OCA2: variants seen among roughly 807,000 people sequenced by gnomAD.
The protein encoded by OCA2 is P protein.
Under a neutral mutation model 100.2 loss-of-function variants are expected in OCA2, and 77 were observed. The ratio of observed to expected loss-of-function variants is 0.77; its 90% CI spans 0.64 to 0.93. OCA2 has a LOEUF of 0.93. OCA2 is among the 40% of genes least tolerant of loss of function. OCA2 has a pLI of 0.00. For missense variants in OCA2, 1,062 were observed against 1,089.1 expected (o/e 0.98, Z 0.35); for synonymous variants, 432 against 439.2 (o/e 0.98, Z 0.21).
intron 9 of OCA2, among the ~76,000 whole-genome samples, chr15:28,008,637 G>A (rs2141178042): frequency 6.6e-6 from 1 of 152,356 alleles, no homozygotes; most frequent in Middle Eastern, 3.4e-3. Flanking sequence ...TACTCTCATG[G>A]CAAAACTACT....
At position 27,934,195 on chromosome 15, in the gene OCA2, C is replaced by T. The variant is rs529420989; in HGVS notation, c.1952-7941G>A. ...AAAAGGAAGATGGGGTTGGGAAGGACATTGTCATTTAGCATGTGAAGGGCA... is the reference window on the plus strand; with the variant it reads ...AAAAGGAAGATGGGGTTGGGAAGGATATTGTCATTTAGCATGTGAAGGGCA... On this transcript the variant is annotated intron_variant, in intron 18 of 23. Transcript: ENST00000354638. Among the ~76,000 whole-genome samples the T allele has an allele frequency of 8.5e-5, 13 of 152,060 alleles. No homozygotes were observed. The South Asian group carries it at 2.1e-3, about 24-fold the overall frequency.
intron 23 of OCA2, among the ~76,000 whole-genome samples, chr15:27,790,512 T>C (rs55798941): frequency 0.14 from 20,515 of 151,900 alleles, 2,247 homozygotes; most frequent in East Asian, 0.58. Flanking sequence ...ATCCAAAACA[T>C]TATGGTAGGT....
intron 15 of OCA2, among the ~76,000 whole-genome samples, chr15:27,964,375 T>C (rs2040497711): frequency 6.6e-6 from 1 of 152,234 alleles, no homozygotes; most frequent in Non-Finnish European, 1.5e-5. Flanking sequence ...AGGGATAGGC[T>C]CTGGTGATTA....
the OCA2 span, among the ~76,000 whole-genome samples, chr15:27,747,883 T>A: frequency 6.6e-6 from 1 of 152,128 alleles, no homozygotes; most frequent in Non-Finnish European, 1.5e-5. Context: ...CAATTATGCA[T>A]CTTGGTAACT....
chr15:28,016,856 T>G lies in OCA2; in HGVS notation c.808-670A>C, dbSNP rs2042410663. Reference sequence around the variant, plus strand: ...ACAAGTTACTAGAGACTTGGAGAACTCTTCTGAGTGCTCTGAGTCCTGAGA... The same window carrying G: ...ACAAGTTACTAGAGACTTGGAGAACGCTTCTGAGTGCTCTGAGTCCTGAGA... On this transcript the variant is annotated intron_variant, in intron 7 of 23. Coordinates refer to ENST00000354638, the MANE Select transcript of OCA2 (RefSeq NM_000275.3). 2.6e-5 allele frequency among the ~76,000 whole-genome samples: 4 copies of G among 152,292 alleles called. No homozygotes were observed. In the South Asian group the frequency reaches 6.2e-4, roughly 24 times the overall value.
At chr15:27,928,712 T>A (rs2039136727) in intron 18 of OCA2, among the ~76,000 whole-genome samples, 1 of 152,188 alleles carries the variant, frequency 6.6e-6, no homozygotes, top group African/African-American at 2.4e-5. Context: ...ATGCCTCCAT[T>A]CCTCCATCTT....
intron 23 of OCA2, among the ~76,000 whole-genome samples, chr15:27,812,518 A>G (rs1407862403): frequency 6.6e-6 from 1 of 152,218 alleles, no homozygotes; most frequent in African/African-American, 2.4e-5. Flanking sequence ...TTTAAAAAAT[A>G]TATCTTTCAT....
At chr15:27,884,586 A>G (rs1280600596) in intron 19 of OCA2, among the ~76,000 whole-genome samples, 6 of 152,204 alleles carry the variant, frequency 3.9e-5, no homozygotes, top group Middle Eastern at 3.2e-3. Flanking sequence ...CGTTCTAAAA[A>G]TAAACTTCTT....
In OCA2 at chr15:28,028,922, G is replaced by A. The variant is rs138759812; in HGVS notation, c.327-863C>T. Among the ~76,000 whole-genome samples, 914 of 152,260 alleles carry A rather than the reference G, an allele frequency of 6.0e-3. 9 individuals carry two copies. The highest frequency in any genetic ancestry group is 0.021 in the African/African-American group (859 of 41,536). On this transcript the variant is annotated intron_variant, in intron 3 of 23. Transcript: ENST00000354638. Reference sequence around the variant, plus strand: ...GCTAGTCTCGAACTCCTGACTTCAAGTGATCTGACTACCTTGGCCTCCCAA... The same window carrying A: ...GCTAGTCTCGAACTCCTGACTTCAAATGATCTGACTACCTTGGCCTCCCAA...
chr15:28,003,392 T>G (rs1465185798), intron 9 of OCA2, among the ~76,000 whole-genome samples: 3 of 152,228 alleles, frequency 2.0e-5, no homozygotes, highest in African/African-American at 7.2e-5. Flanking sequence ...TCCCTACCCC[T>G]GGTTCAGACG....
intron 19 of OCA2, among the ~76,000 whole-genome samples, chr15:27,891,960 A>C (rs2037479922): frequency 6.6e-6 from 1 of 152,182 alleles, no homozygotes; most frequent in African/African-American, 2.4e-5. Flanking sequence ...AAAGAAAATT[A>C]CTAGAGGGAC....
At chr15:27,870,257 G>C (rs1263452422) in intron 21 of OCA2, among the ~76,000 whole-genome samples, 2 of 152,240 alleles carry the variant, frequency 1.3e-5, no homozygotes, top group Non-Finnish European at 2.9e-5. Flanking sequence ...CTCAGAGTCA[G>C]AAGAACAGAG....
chr15:27,904,203 T>C lies in OCA2; in HGVS notation c.2079+21924A>G, dbSNP rs531143262. Reference sequence around the variant, plus strand: ...GCCAGCCCACAGTGCATTGTTCAGCTCCCTCGCTCGCTCCAAAATCCACCC... The same window carrying C: ...GCCAGCCCACAGTGCATTGTTCAGCCCCCTCGCTCGCTCCAAAATCCACCC... On this transcript the variant is annotated intron_variant, in intron 19 of 23. Coordinates refer to ENST00000354638, the MANE Select transcript of OCA2 (RefSeq NM_000275.3). Among the ~76,000 whole-genome samples, 5 of 152,200 alleles carry C rather than the reference T, an allele frequency of 3.3e-5. No individual in the cohort carries two copies. In the South Asian group the frequency reaches 1.0e-3, roughly 32 times the overall value.
At chr15:27,741,709 G>A in the OCA2 span, among the ~76,000 whole-genome samples, 1 of 152,284 alleles carries the variant, frequency 6.6e-6, no homozygotes, top group East Asian at 1.9e-4. Flanking sequence ...TCTTGGCAGT[G>A]AGCCTTTTCC....
chr15:28,041,630 G>T (rs2043203752), intron 2 of OCA2, among the ~76,000 whole-genome samples: 1 of 152,086 alleles, frequency 6.6e-6, no homozygotes, highest in African/African-American at 2.4e-5. Context: ...AAACTCTAAA[G>T]ACTCCATTTT....
At chr15:27,896,663 T>C (rs1297489543) in intron 19 of OCA2, 1 of 183,742 alleles carries the variant, frequency 5.4e-6, no homozygotes, top group East Asian at 1.4e-4. Context: ...AAAATGAACT[T>C]TATAAGCAGC....
At chr15:27,965,683 C>T (rs901518322) in intron 15 of OCA2, among the ~76,000 whole-genome samples, 1 of 152,150 alleles carries the variant, frequency 6.6e-6, no homozygotes, top group African/African-American at 2.4e-5. Context: ...ACATGCAATC[C>T]GTGAGCTCTA....
At chr15:27,809,572 T>C (rs988910982) in intron 23 of OCA2, among the ~76,000 whole-genome samples, 10 of 152,096 alleles carry the variant, frequency 6.6e-5, no homozygotes, top group Admixed American at 2.6e-4. Context: ...AAAGAGAAAG[T>C]CAAACTATCA....
Position 28,018,410 on chromosome 15 carries a change from C to T in OCA2, c.794G>A (p.Arg265Gln), listed in dbSNP as rs567007076. 5 of 1,614,074 alleles carry T rather than the reference C, an allele frequency of 3.1e-6. No individual in the cohort carries two copies. Among genetic ancestry groups the T allele is most frequent in the East Asian group, 4.5e-5 (2 of 44,876 alleles). ...TATCAGCATAACCTGCTGTGGCCGC[C>T]GCCACCTGGAGCCCAAAGCGTCAGC... Reference protein sequence around the residue: ...TQADALGSRWRRPQQVTHNWT... With the variant: ...TQADALGSRWQRPQQVTHNWT... Residue 265 changes from arginine to glutamine, a missense_variant, in exon 7 of 24, where the codon CGG becomes CAG. Arg to Gln is a conservative substitution (Grantham distance 43). Transcript: ENST00000354638.
Sources: gnomAD v4.1 joint callset for allele counts (sites outside exome capture counted in the v4.1 genomes callset) on GRCh38, gnomAD v4.1.1 for gene constraint, MANE v1.5 for transcripts, NCBI Gene and HGNC (gene_info 2026-07-23, HGNC 2026-07-21) for gene names.